IL1RAPL1: variants seen among roughly 807,000 people sequenced by gnomAD.
The protein encoded by IL1RAPL1 is interleukin 1 receptor accessory protein like 1.
In IL1RAPL1, 3 loss-of-function variants were observed where a neutral mutation model predicts 48.4. The observed-to-expected ratio is 0.06, with a 90% confidence interval of 0.03 to 0.16. The LOEUF is 0.16. Among genes scored for constraint, IL1RAPL1 ranks in the 10% least tolerant of loss-of-function variants. The pLI, the probability that IL1RAPL1 is intolerant of heterozygous loss-of-function variation, is 1.00. For missense variants in IL1RAPL1, 349 were observed against 530.6 expected (o/e 0.66, Z 3.36); for synonymous variants, 185 against 187.7 (o/e 0.99, Z 0.12).
chrX:29,106,664 T>C (rs1349970475), intron 2 of IL1RAPL1, among the ~76,000 whole-genome samples: 3 of 111,494 alleles, frequency 2.7e-5, no homozygotes, highest in Non-Finnish European at 5.6e-5. Flanking sequence ...ATGATGTTGT[T>C]ATATTACTTG....
At chrX:29,670,197 A>T (rs1219380964) in intron 6 of IL1RAPL1, among the ~76,000 whole-genome samples, 1 of 111,784 alleles carries the variant, frequency 8.9e-6, no homozygotes, top group Non-Finnish European at 1.9e-5. Flanking sequence ...CTGTTTTACA[A>T]AATAGAATAA....
intron 6 of IL1RAPL1, among the ~76,000 whole-genome samples, chrX:29,798,042 G>A (rs768914042): frequency 3.6e-5 from 4 of 111,764 alleles, no homozygotes; most frequent in Admixed American, 9.5e-5. Context: ...CCCTGACTTG[G>A]AGTATCAGAA....
At chrX:29,082,093 A>T (rs1374063001) in intron 2 of IL1RAPL1, among the ~76,000 whole-genome samples, 1 of 112,175 alleles carries the variant, frequency 8.9e-6, no homozygotes, top group Non-Finnish European at 1.9e-5. Flanking sequence ...ACCGGGCTAT[A>T]GTTAATGTGT....
chrX:29,057,241 G>A (rs986642177), intron 2 of IL1RAPL1, among the ~76,000 whole-genome samples: 2 of 110,731 alleles, frequency 1.8e-5, no homozygotes, highest in African/African-American at 3.3e-5. Flanking sequence ...TTGATTTATA[G>A]CTTATTTTTA....
chrX:29,021,215 GAA>G (rs746008500), intron 2 of IL1RAPL1, among the ~76,000 whole-genome samples: 2,481 of 41,952 alleles, frequency 0.059, 46 homozygotes, highest in African/African-American at 0.11. Flanking sequence ...CCGTCTCAAG[GAA>G]AAAAAAAAAA....
intron 6 of IL1RAPL1, among the ~76,000 whole-genome samples, chrX:29,744,184 A>T (rs1401120805): frequency 9.0e-6 from 1 of 111,010 alleles, no homozygotes; most frequent in Non-Finnish European, 1.9e-5. Flanking sequence ...AAGCAATAAC[A>T]CTTCTTGTAC....
chrX:29,238,169 T>G (rs1002891365), intron 2 of IL1RAPL1, among the ~76,000 whole-genome samples: 1 of 111,826 alleles, frequency 8.9e-6, no homozygotes, highest in African/African-American at 3.3e-5. Flanking sequence ...ACACACCTGC[T>G]TCTGTTATTC....
intron 3 of IL1RAPL1, among the ~76,000 whole-genome samples, chrX:29,310,166 G>A (rs889843248): frequency 7.0e-5 from 7 of 99,640 alleles, no homozygotes; most frequent in Non-Finnish European, 1.2e-4. Context: ...AGGGTAAGTC[G>A]GGAGCTTATT....
intron 2 of IL1RAPL1, among the ~76,000 whole-genome samples, chrX:29,206,897 G>A (rs888113969): frequency 2.7e-5 from 3 of 111,926 alleles, no homozygotes; most frequent in African/African-American, 9.7e-5. Context: ...CTTTGCTGTA[G>A]TTGGCCTATA....
intron 1 of IL1RAPL1, among the ~76,000 whole-genome samples, chrX:28,701,111 T>C (rs1935290142): frequency 9.0e-6 from 1 of 111,639 alleles, no homozygotes; most frequent in African/African-American, 3.3e-5. Context: ...TGGTTCTGGA[T>C]CCTTGAGGAA....
intron 3 of IL1RAPL1, among the ~76,000 whole-genome samples, chrX:29,341,451 C>T (rs1298354512): frequency 8.9e-6 from 1 of 111,913 alleles, no homozygotes; most frequent in African/African-American, 3.2e-5. Context: ...AAATAGAATA[C>T]GTCCTTGAGC....
chrX:28,655,942 A>T (rs1299022807), intron 1 of IL1RAPL1, among the ~76,000 whole-genome samples: 2 of 111,973 alleles, frequency 1.8e-5, no homozygotes, highest in Non-Finnish European at 3.8e-5. Flanking sequence ...GAAACAAAAG[A>T]CAGAATGTTT....
In IL1RAPL1 at chrX:29,559,621, A is replaced by G. The variant is rs140309908; in HGVS notation, c.704-108809A>G. On this transcript the variant is annotated intron_variant, in intron 5 of 10. Coordinates refer to ENST00000378993, the MANE Select transcript of IL1RAPL1 (RefSeq NM_014271.4). ...AGACAGTCTACTTTGTGATTTGACAATGTATTTTCAGTAGTATGCTTTGAT... is the reference window on the plus strand; with the variant it reads ...AGACAGTCTACTTTGTGATTTGACAGTGTATTTTCAGTAGTATGCTTTGAT... Among the ~76,000 whole-genome samples, 460 of 111,095 alleles carry G rather than the reference A, an allele frequency of 4.1e-3. 2 individuals carry two copies. Among genetic ancestry groups the G allele is most frequent in the African/African-American group, 0.015 (446 of 30,674 alleles).
At chrX:29,337,894 C>T (rs1235013462) in intron 3 of IL1RAPL1, among the ~76,000 whole-genome samples, 1 of 111,002 alleles carries the variant, frequency 9.0e-6, no homozygotes, top group African/African-American at 3.3e-5. Flanking sequence ...AGGCTGGTCT[C>T]GAACTCCTGA....
chrX:29,684,451 G>T (rs1926560095), intron 6 of IL1RAPL1, among the ~76,000 whole-genome samples: 1 of 111,639 alleles, frequency 9.0e-6, no homozygotes, highest in Non-Finnish European at 1.9e-5. Context: ...TTGGTGATTA[G>T]GTTTCAATAT....
intron 3 of IL1RAPL1, among the ~76,000 whole-genome samples, chrX:29,374,213 C>G (rs1300626452): frequency 9.9e-6 from 1 of 100,902 alleles, no homozygotes; most frequent in Non-Finnish European, 2.0e-5. Context: ...AAGATTGGTA[C>G]CAGTTCTTCT....
At chrX:29,049,942 C>T (rs7061096) in intron 2 of IL1RAPL1, among the ~76,000 whole-genome samples, 24,717 of 111,036 alleles carry the variant, frequency 0.22, 2,443 homozygotes, top group African/African-American at 0.38. Flanking sequence ...TTGGATTTCA[C>T]CAGCTTCTCC....
intron 5 of IL1RAPL1, among the ~76,000 whole-genome samples, chrX:29,587,823 C>T (rs1923232632): frequency 1.8e-5 from 2 of 112,311 alleles, no homozygotes. Flanking sequence ...CTCCTGCCTA[C>T]AATCCACCAA....
intron 2 of IL1RAPL1, among the ~76,000 whole-genome samples, chrX:29,239,503 T>C (rs1222609481): frequency 8.9e-6 from 1 of 111,884 alleles, no homozygotes; most frequent in East Asian, 2.8e-4. Context: ...AACATAATGT[T>C]ATTATCATAC....
Sources: allele counts gnomAD v4.1 joint callset (sites outside exome capture counted in the v4.1 genomes callset), GRCh38; gene constraint gnomAD v4.1.1; transcripts MANE v1.5; gene names NCBI Gene and HGNC (gene_info 2026-07-23, HGNC 2026-07-21).